MESD: variants seen among roughly 807,000 people sequenced by gnomAD.
The protein encoded by MESD is LRP chaperone MESD.
Under a neutral mutation model 12.9 loss-of-function variants are expected in MESD, and 7 were observed. That is an observed-to-expected ratio of 0.54 (90% CI 0.31 to 1.02). The LOEUF (loss-of-function observed/expected upper bound fraction) is 1.02. MESD is among the 50% of genes least tolerant of loss of function. The pLI is 0.05. For missense variants in MESD, 342 were observed against 296.7 expected, an observed-to-expected ratio of 1.15 and a Z score of -1.12; for synonymous variants, 126 against 115.6, an observed-to-expected ratio of 1.09 and a Z score of -0.58.
Position 80,981,028 on chromosome 15 carries a change from G to A in MESD, c.446+922C>T, listed in dbSNP as rs986444779. Among the ~76,000 whole-genome samples the A allele has an allele frequency of 4.6e-5, 7 of 151,758 alleles. No individual in the cohort carries two copies. The South Asian group carries it at 1.0e-3, about 23-fold the overall frequency. Reference sequence around the variant, plus strand: ...TTTAGTAGAGACAGGGTTTCCCCACGTTGGCCAGGATGATCTTGATCTCCT... The same window carrying A: ...TTTAGTAGAGACAGGGTTTCCCCACATTGGCCAGGATGATCTTGATCTCCT... On this transcript the variant is annotated intron_variant, in intron 2 of 2. Transcript: ENST00000261758.
At chr15:80,983,894 C>CTTTTTTTTTTTTTTTTTTTTTTTTTTTT (rs10570822) in intron 1 of MESD, among the ~76,000 whole-genome samples, 1 of 88,466 alleles carries the variant, frequency 1.1e-5, no homozygotes. Flanking sequence ...AAAACAGTAA[C>CTTTTTTTTTTTTTTTTTTTTTTTTTTTT]TTTTTTTTTT....
chr15:80,969,762 G>A (rs1388926075), intron 3 of MESD, among the ~76,000 whole-genome samples: 2 of 152,208 alleles, frequency 1.3e-5, no homozygotes, highest in Non-Finnish European at 2.9e-5. Context: ...GTCTGAGGCA[G>A]GAGAATCACT....
Position 80,963,062 on chromosome 15 carries a change from A to T in MESD, c.*289-10766T>A, listed in dbSNP as rs150945766. Among the ~76,000 whole-genome samples, 32 of 152,302 alleles carry T rather than the reference A, an allele frequency of 2.1e-4. No homozygotes were observed. The East Asian group carries it at 6.2e-3, about 29-fold the overall frequency. ...GAATCCAGGAGCTGGGTTTTTGAAA[A>T]GATCAACAAAATAGACCACTAACAG... On this transcript the variant is annotated intron_variant, in intron 3 of 4. Transcript: ENST00000561312.
intron 3 of MESD, among the ~76,000 whole-genome samples, chr15:80,952,541 CAG>C (rs1435332414): frequency 6.6e-6 from 1 of 152,134 alleles, no homozygotes; most frequent in Non-Finnish European, 1.5e-5. Context: ...TCCATCACCA[CAG>C]AGAGTTCTTC....
downstream of MESD, among the ~76,000 whole-genome samples, chr15:80,972,930 G>C (rs1286827597): frequency 6.6e-6 from 1 of 152,172 alleles, no homozygotes; most frequent in Admixed American, 6.5e-5. Context: ...GCTGAGGCAG[G>C]AGAATCACTT....
At chr15:80,973,179 CT>C (rs1391449018), downstream of MESD, among the ~76,000 whole-genome samples, 1 of 152,080 alleles carries the variant, frequency 6.6e-6, no homozygotes, top group African/African-American at 2.4e-5. Flanking sequence ...ATGAAAACAG[CT>C]TGGATAGCTG....
At chr15:80,967,734 C>T (rs1310478959) in intron 3 of MESD, among the ~76,000 whole-genome samples, 1 of 152,214 alleles carries the variant, frequency 6.6e-6, no homozygotes, top group Non-Finnish European at 1.5e-5. Flanking sequence ...TGAGAGCTGC[C>T]AAGTCTGGGC....
intron 2 of MESD, among the ~76,000 whole-genome samples, chr15:80,980,178 T>C (rs1902538194): frequency 6.6e-6 from 1 of 152,242 alleles, no homozygotes. Flanking sequence ...GTGGGCCTTC[T>C]GGAGCAGACA....
At chr15:80,961,668 A>G (rs1902089790) in intron 3 of MESD, among the ~76,000 whole-genome samples, 1 of 152,266 alleles carries the variant, frequency 6.6e-6, no homozygotes, top group African/African-American at 2.4e-5. Flanking sequence ...AAGGATATTC[A>G]CTGCAGCATT....
rs1893242924 is a variant in MESD, at chr15:80,989,645, C to T, written c.147G>A (p.Arg49=). Residue 49 remains arginine, a synonymous_variant, in exon 1 of 3, where the codon CGG becomes CGA. Transcript: ENST00000261758. ...GTPDESTPPP[R]KKKKDIRDYN... ...AATCGCGAATATCCTTCTTCTTCTT[C>T]CGGGGAGGTGGGGTAGACTCGTCGG... is the stretch of plus-strand genomic sequence containing the variant. 1.2e-6 allele frequency: 2 copies of T among 1,613,982 alleles called. No individual in the cohort carries two copies. The highest frequency in any genetic ancestry group is 4.5e-5 in the East Asian group (2 of 44,874).
At chr15:80,953,830 C>T (rs1042578326) in intron 3 of MESD, among the ~76,000 whole-genome samples, 1 of 152,156 alleles carries the variant, frequency 6.6e-6, no homozygotes, top group African/African-American at 2.4e-5. Flanking sequence ...CTAACAACAT[C>T]TGCCTAAAGA....
intron 3 of MESD, among the ~76,000 whole-genome samples, chr15:80,965,921 G>C (rs1902167915): frequency 6.6e-6 from 1 of 152,050 alleles, no homozygotes; most frequent in South Asian, 2.1e-4. Context: ...CCTGCACGTT[G>C]TGCACATGTA....
chr15:80,987,917 A>T (rs1380480611), intron 1 of MESD, among the ~76,000 whole-genome samples: 2 of 152,222 alleles, frequency 1.3e-5, no homozygotes, highest in African/African-American at 4.8e-5. Flanking sequence ...AAAGGCCAAG[A>T]GTTCAAAACC....
At chr15:80,952,749 G>C (rs988301551) in intron 3 of MESD, among the ~76,000 whole-genome samples, 5 of 152,232 alleles carry the variant, frequency 3.3e-5, no homozygotes, top group Non-Finnish European at 7.3e-5. Flanking sequence ...ATATCTGGCA[G>C]ACTAGCTTTG....
intron 3 of MESD, among the ~76,000 whole-genome samples, chr15:80,965,515 G>A (rs926359469): frequency 6.6e-6 from 1 of 152,192 alleles, no homozygotes; most frequent in Non-Finnish European, 1.5e-5. Flanking sequence ...TATGTTTATT[G>A]TGGCACCATT....
chr15:80,956,789 G>C (rs894898671), intron 3 of MESD, among the ~76,000 whole-genome samples: 1 of 152,074 alleles, frequency 6.6e-6, no homozygotes. Context: ...CATGCAGAGG[G>C]GGTGGCTGTG....
downstream of MESD, among the ~76,000 whole-genome samples, chr15:80,973,503 C>T (rs2141802187): frequency 6.6e-6 from 1 of 152,252 alleles, no homozygotes; most frequent in South Asian, 2.1e-4. Flanking sequence ...TGTGCCACTG[C>T]ACTCCAGTCT....
At chr15:80,947,536 C>T (rs926253690) in exon 5 of MESD, 1 of 169,140 alleles carries the variant, frequency 5.9e-6, no homozygotes, top group African/African-American at 2.4e-5. Context: ...ACCTACATGG[C>T]TTGTCCAAGG....
downstream of MESD, among the ~76,000 whole-genome samples, chr15:80,973,985 G>A (rs966035936): frequency 2.6e-5 from 4 of 152,022 alleles, no homozygotes; most frequent in Admixed American, 2.6e-4. Flanking sequence ...CCTTCCTGAG[G>A]AAGGGACTCT....
Sources: gnomAD v4.1 joint callset for allele counts (sites outside exome capture counted in the v4.1 genomes callset) on GRCh38, gnomAD v4.1.1 for gene constraint, MANE v1.5 for transcripts, NCBI Gene and HGNC (gene_info 2026-07-23, HGNC 2026-07-21) for gene names.